Variants in OBSL1 observed in about 807,000 individuals in gnomAD.
OBSL1 encodes the protein obscurin like cytoskeletal adaptor 1.
OBSL1 carries 160 observed loss-of-function variants against 172.0 expected under a neutral mutation model. That is an observed-to-expected ratio of 0.93 (90% confidence interval 0.82 to 1.06). The LOEUF (loss-of-function observed/expected upper bound fraction) is 1.06, where lower values mean the gene tolerates loss of function less well. OBSL1 is among the 50% of genes least tolerant of loss of function. OBSL1 has a pLI of 0.00. For synonymous variants in OBSL1, 1,200 were observed against 1,196.3 expected, an observed-to-expected ratio of 1.00 and a Z score of -0.06; for missense variants, 2,681 against 2,715.4, an observed-to-expected ratio of 0.99 and a Z score of 0.28.
chr2:219,555,862 G>A, intron 14 of OBSL1, 158 bp downstream of exon 14: 1 of 1,435,326 alleles, frequency 7.0e-7, no homozygotes, highest in Non-Finnish European at 9.1e-7. Context: ...ATTAGAAAAA[G>A]AAAAGTTTTG....
chr2:219,569,691 C>T (rs577445191), intron 1 of OBSL1, among the ~76,000 whole-genome samples: 2 of 152,276 alleles, frequency 1.3e-5, no homozygotes, highest in Admixed American at 6.5e-5. Context: ...GCAGCCAGGC[C>T]GTCCCCACAG....
rs1339101110 is a variant in OBSL1 at position 219,571,279 on chromosome 2, G to C, written c.-47C>G. ...GCGGCGAACGGTGGGGGGGCAGGGGGGGGTGCGGAGGGCGAGCCGAGGCCC... is the reference window on the plus strand; with the variant it reads ...GCGGCGAACGGTGGGGGGGCAGGGGCGGGTGCGGAGGGCGAGCCGAGGCCC... On this transcript the variant is annotated 5_prime_UTR_variant, in exon 1 of 21. Coordinates refer to ENST00000404537, the MANE Select transcript of OBSL1 (RefSeq NM_015311.3). 4 of 1,045,162 alleles carry C rather than the reference G, an allele frequency of 3.8e-6. No homozygotes were observed. Among genetic ancestry groups the C allele is most frequent in the South Asian group, 3.8e-5 (1 of 26,288 alleles). The allele number at this position is 1,045,162 out of a possible 1,614,324, so 64.7% of individuals were successfully genotyped here.
At position 219,557,638 on chromosome 2, in the gene OBSL1, G is replaced by A. The variant is rs749119866; in HGVS notation, c.3791-20C>T. The A allele has an allele frequency of 3.3e-6, 5 of 1,521,026 alleles. No homozygotes were observed. The highest frequency in any genetic ancestry group is 3.5e-6 in the Non-Finnish European group (4 of 1,132,450). The allele number at this position is 1,521,026 out of a possible 1,614,324, so 94.2% of individuals were successfully genotyped here. A position where few individuals can be genotyped will look rare whatever the true frequency, so the allele number is the denominator to read the frequency against. Reference sequence around the variant, plus strand: ...GGGGCTCTGTGGAGTCAGAGCTGGAGGTCACTGGGAGGGAGAGGCTCAGGG... The same window carrying A: ...GGGGCTCTGTGGAGTCAGAGCTGGAAGTCACTGGGAGGGAGAGGCTCAGGG... On this transcript the variant is annotated intron_variant, in intron 11 of 20. Coordinates refer to ENST00000404537, the MANE Select transcript of OBSL1 (RefSeq NM_015311.3).
chr2:219,552,097 ACCC>A lies in OBSL1; in HGVS notation c.5413+12_5413+14del. The A allele has an allele frequency of 6.3e-7, 1 of 1,594,560 alleles. No individual in the cohort carries two copies. The highest frequency in any genetic ancestry group is 2.3e-5 in the East Asian group (1 of 44,012). On this transcript the variant is annotated intron_variant, in intron 19 of 20. Coordinates refer to ENST00000404537, the MANE Select transcript of OBSL1 (RefSeq NM_015311.3). ...AGGATGTACACTCTCTGTCGCTCCCACCCCAGGTGCTTACCCTCCACTTCCAGT... is the reference window on the plus strand; with the variant it reads ...AGGATGTACACTCTCTGTCGCTCCCACAGGTGCTTACCCTCCACTTCCAGT...
chr2:219,547,386 C>T, downstream of OBSL1: 1 of 803,168 alleles, frequency 1.2e-6, no homozygotes, highest in Non-Finnish European at 1.8e-6. Context: ...CCTCAATTCT[C>T]TGATCTTAGT....
chr2:219,570,031 G>C (rs542901718), intron 1 of OBSL1, among the ~76,000 whole-genome samples, 190 bp downstream of exon 1: 1 of 152,360 alleles, frequency 6.6e-6, no homozygotes, highest in Admixed American at 6.5e-5. Flanking sequence ...AGAAGTTCCT[G>C]AGTACCCTGG....
downstream of OBSL1, chr2:219,549,574 T>C (rs1327847043): frequency 1.5e-5 from 20 of 1,327,024 alleles, no homozygotes; most frequent in African/African-American, 3.0e-5. Context: ...AAGTGGGATA[T>C]GGTATGTGGT....
At position 219,558,328 on chromosome 2, in the gene OBSL1, C is replaced by T. The variant is rs767675941; in HGVS notation, c.3358G>A (p.Glu1120Lys). ...TGCAGGGCATCTGATGCCTCCACTT[C>T]CAGCCCGTCCTTGTACCAGCGCACC... ...SQVRWYKDGL[E>K]VEASDALQLG... The change falls in exon 10 of 21, where the codon GAA (glutamate) becomes AAA (lysine). Residue 1120 changes from glutamate to lysine, a missense_variant. Glu to Lys is a moderately conservative substitution (Grantham distance 56, BLOSUM62 1). Coordinates refer to ENST00000404537, the MANE Select transcript of OBSL1 (RefSeq NM_015311.3). 1.2e-6 allele frequency: 2 copies of T among 1,612,792 alleles called. No individual in the cohort carries two copies. Among genetic ancestry groups the T allele is most frequent in the South Asian group, 2.2e-5 (2 of 90,856 alleles).
intron 8 of OBSL1, chr2:219,561,584 G>A: frequency 2.3e-6 from 1 of 433,120 alleles, no homozygotes; most frequent in South Asian, 2.4e-5. Flanking sequence ...AGTCCTAGAG[G>A]GAAGCGGCCG....
intron 4 of OBSL1, 50 bp downstream of exon 4, chr2:219,567,223 G>A (rs773368559): frequency 4.5e-6 from 7 of 1,563,102 alleles, no homozygotes; most frequent in Non-Finnish European, 6.1e-6. Context: ...AGCACTGAGG[G>A]CTGGGGAAGG....
At chr2:219,566,761 C>T (rs1464998763) in intron 5 of OBSL1, 69 bp downstream of exon 5, 6 of 1,457,862 alleles carry the variant, frequency 4.1e-6, no homozygotes, top group Non-Finnish European at 5.5e-6. Flanking sequence ...ACAGCATCTG[C>T]CTCGTTTTGC....
chr2:219,563,877 A>C lies in OBSL1; in HGVS notation c.2408-250T>G, dbSNP rs556887686. ...ATCAGAGGTGGCGGGGTGAGTACAT[A>C]GAGAGAAGGAAGCACAGAGAGTTCA... On this transcript the variant is annotated intron_variant, in intron 6 of 20. Transcript: ENST00000404537. Among the ~76,000 whole-genome samples the C allele has an allele frequency of 4.6e-5, 7 of 152,194 alleles. No homozygotes were observed. The South Asian group carries it at 1.2e-3, about 27-fold the overall frequency.
chr2:219,571,137 C>T lies in OBSL1; in HGVS notation c.96G>A (p.Lys32=), dbSNP rs200451309. The change falls in exon 1 of 21, where the codon AAG becomes AAA. Residue 32 remains lysine (K), a synonymous_variant. Coordinates refer to ENST00000404537, the MANE Select transcript of OBSL1 (RefSeq NM_015311.3). ...RVVSGAEAEL[K]CVVLGEPPPV... ...GCGGCGGCTCCCCCAGGACCACGCA[C>T]TTGAGCTCGGCCTCGGCGCCACTTA... The T allele has an allele frequency of 7.9e-4, 1,177 of 1,486,318 alleles. 18 individuals are homozygous for T. The Admixed American group carries it at 0.022, about 28-fold the overall frequency. 92.1% of individuals were successfully genotyped at this position (1,486,318 alleles called of 1,614,324 possible).
At chr2:219,549,870 T>C, downstream of OBSL1, 1 of 1,606,886 alleles carries the variant, frequency 6.2e-7, no homozygotes, top group Non-Finnish European at 8.5e-7. Flanking sequence ...TCTGTCTGTC[T>C]AGACTCTGCA....
In OBSL1 at chr2:219,554,747, G is replaced by A. The variant is rs749754662; in HGVS notation, c.4610-7C>T. On this transcript the variant is annotated splice_polypyrimidine_tract_variant and splice_region_variant and intron_variant, in intron 14 of 20. Coordinates refer to ENST00000404537, the MANE Select transcript of OBSL1 (RefSeq NM_015311.3). ...AGCACCCTCAGCTGCCTCGCTGGCC[G>A]GGGGAGATGGAGAGAGGGAGGATGA... The A allele has an allele frequency of 1.6e-5, 24 of 1,535,924 alleles. No individual in the cohort carries two copies. The highest frequency in any genetic ancestry group is 3.9e-5 in the Admixed American group (2 of 50,748).
chr2:219,557,721 G>C, intron 11 of OBSL1, 102 bp downstream of exon 11: 1 of 1,533,850 alleles, frequency 6.5e-7, no homozygotes, highest in Non-Finnish European at 8.7e-7. Context: ...GTGGGGCCAG[G>C]GATGGGCAAG....
chr2:219,567,649 C>T, intron 3 of OBSL1, 69 bp downstream of exon 3: 1 of 1,588,692 alleles, frequency 6.3e-7, no homozygotes, highest in South Asian at 1.1e-5. Context: ...TCTACTTCAC[C>T]AACCCAGCTC....
chr2:219,570,272 C>A lies in OBSL1; in HGVS notation c.961G>T (p.Ala321Ser). 1 of 1,600,364 alleles carries A rather than the reference C, an allele frequency of 6.2e-7. No individual in the cohort carries two copies. Among genetic ancestry groups the A allele is most frequent in the Non-Finnish European group, 8.5e-7 (1 of 1,171,076 alleles). The change falls in exon 1 of 21, where the codon GCG becomes TCG. Residue 321 changes from alanine (A) to serine (S), a missense_variant. Around this residue, in one of 5 missense-constraint regions of OBSL1, gnomAD observed 706 missense variants for 695.8 expected, o/e 1.01. Transcript: ENST00000404537. ...AGCGTCTGGCCCGCCGAGTTGCGCGCGGCGCAGACGTAGAGCCCACGATCC... is the reference window on the plus strand; with the variant it reads ...AGCGTCTGGCCCGCCGAGTTGCGCGAGGCGCAGACGTAGAGCCCACGATCC... ...AKDRGLYVCA[A>S]RNSAGQTLSA...
rs983376423 is a variant in OBSL1, at chr2:219,571,140, G to C, written c.93C>G (p.Leu31=). The C allele has an allele frequency of 1.1e-5, 17 of 1,486,802 alleles. No individual in the cohort carries two copies. The highest frequency in any genetic ancestry group is 1.5e-5 in the Non-Finnish European group (17 of 1,123,228). The allele number at this position is 1,486,802 out of a possible 1,614,324, so 92.1% of individuals were successfully genotyped here. A position where few individuals can be genotyped will look rare whatever the true frequency, so the allele number is the denominator to read the frequency against. The part of the protein sequence containing the change: ...VRVVSGAEAE[L]KCVVLGEPPP... The stretch of plus-strand genomic sequence containing the variant: ...GCGGCTCCCCCAGGACCACGCACTT[G>C]AGCTCGGCCTCGGCGCCACTTACCA... The change falls in exon 1 of 21, where the codon CTC becomes CTG. Residue 31 remains leucine (L), a synonymous_variant. Coordinates refer to ENST00000404537, the MANE Select transcript of OBSL1 (RefSeq NM_015311.3).
Sources: allele counts gnomAD v4.1 joint callset (sites outside exome capture counted in the v4.1 genomes callset), GRCh38; gene constraint gnomAD v4.1.1; regional missense constraint gnomAD v4.1.1; transcripts MANE v1.5; gene names NCBI Gene and HGNC (gene_info 2026-07-23, HGNC 2026-07-21).